Variants in ZZEF1 observed in about 807,000 individuals in gnomAD.
The protein encoded by ZZEF1 is zinc finger ZZ-type and EF-hand domain-containing protein 1.
A neutral mutation model predicts 342.8 loss-of-function variants in ZZEF1; 157 were observed. That is an observed-to-expected ratio of 0.46 (90% CI 0.40 to 0.52). The LOEUF is 0.52. Ranked by LOEUF, ZZEF1 falls within the 20% of genes least tolerant of loss-of-function variation. The probability of loss-of-function intolerance (pLI) is 0.00; values close to 1 mark genes in which losing one functional copy is unlikely to be tolerated. For synonymous variants in ZZEF1, 1,505 were observed against 1,429.1 expected (o/e 1.05, Z -1.20); for missense variants, 3,480 against 3,725.6 (o/e 0.93, Z 1.72).
Position 4,032,963 on chromosome 17 carries a change from G to A in ZZEF1, c.6624C>T (p.Ile2208=). 6.2e-7 allele frequency: 1 copy of A among 1,602,424 alleles called. No individual in the cohort carries two copies. Among genetic ancestry groups the A allele is most frequent in the Non-Finnish European group, 8.5e-7 (1 of 1,174,300 alleles). The change falls in exon 41 of 55, where the codon ATC becomes ATT. Residue 2208 remains isoleucine, a synonymous_variant. Transcript: ENST00000381638. ...GTGGGGCACTGTTGAGTGACCGCAG[G>A]ATCTCTGCCATGGAGCACGCCCAGT... The part of the protein sequence containing the change: ...GLDWACSMAE[I]LRSLNSAPLW...
Position 4,064,848 on chromosome 17 carries a change from C to G in ZZEF1, c.4250-19G>C. ...TCTTTTGCTAGATGCAAACAAGAAT[C>G]ATAATTGAAAAAAAAAAAAGTTAAA... On this transcript the variant is annotated intron_variant, in intron 28 of 54. Coordinates refer to ENST00000381638, the MANE Select transcript of ZZEF1 (RefSeq NM_015113.4). The G allele has an allele frequency of 9.1e-6, 6 of 657,072 alleles. No individual in the cohort carries two copies. The highest frequency in any genetic ancestry group is 3.9e-5 in the East Asian group (1 of 25,592). The allele number at this position is 657,072 out of a possible 1,614,324, so 40.7% of individuals were successfully genotyped here.
chr17:4,107,990 A>G (rs1247849592), intron 6 of ZZEF1, among the ~76,000 whole-genome samples: 1 of 152,234 alleles, frequency 6.6e-6, no homozygotes, highest in Non-Finnish European at 1.5e-5. Flanking sequence ...GGTTGCCACC[A>G]GCCAACTCCA....
intron 36 of ZZEF1, among the ~76,000 whole-genome samples, chr17:4,050,509 A>G (rs990258302): frequency 6.6e-6 from 1 of 152,268 alleles, no homozygotes; most frequent in Admixed American, 6.5e-5. Flanking sequence ...ACTAGACTGC[A>G]TCCACAGATA....
rs564549212 is a variant in ZZEF1, at chr17:4,105,748, A to C, written c.1339T>G (p.Phe447Val). The change falls in exon 7 of 55, where the codon TTC (phenylalanine) becomes GTC (valine). Residue 447 changes from phenylalanine to valine, a missense_variant. Around this residue, in one of 5 missense-constraint regions of ZZEF1, gnomAD observed 1,528 missense variants for 1,624.1 expected, o/e 0.94. Transcript: ENST00000381638. ...TCTTCCAGCACATTAGGGGAGAGGA[A>C]AGTTGAGAAATCTGTAGATCCTGGT... ...LSPGSTDFST[F>V]LSPNVLEEVD... 5 of 1,613,314 alleles carry C rather than the reference A, an allele frequency of 3.1e-6. No homozygotes were observed. The African/African-American group carries it at 6.7e-5, about 22-fold the overall frequency.
At position 4,062,870 on chromosome 17, in the gene ZZEF1, AG is replaced by A; in HGVS notation, c.4765del (p.Leu1589TrpfsTer4). The A allele has an allele frequency of 6.2e-7, 1 of 1,613,338 alleles. No individual in the cohort carries two copies. Among genetic ancestry groups the A allele is most frequent in the Non-Finnish European group, 8.5e-7 (1 of 1,179,774 alleles). On this transcript the variant is annotated frameshift_variant, in exon 30 of 55. Coordinates refer to ENST00000381638, the MANE Select transcript of ZZEF1 (RefSeq NM_015113.4). LOFTEE classifies it high-confidence loss of function. The part of the protein sequence containing the change: ...SLRKAQAQSI[L>X]EVLKITQHCA... ...GTGCTGAGTTATCTTCAGGACTTCC[AG>A]GATGCTCTGGGCCTGGGCTTTCCTC... is the stretch of plus-strand genomic sequence containing the variant.
rs571133992 is a variant in ZZEF1 at position 4,005,690 on chromosome 17, G to C, written c.*1200C>G. Reference sequence around the variant, plus strand: ...GGCAATGCTGACCTGGTCAAGCTTGGCCTTGGTGGTGGGGCCCCTTCTCTG... The same window carrying C: ...GGCAATGCTGACCTGGTCAAGCTTGCCCTTGGTGGTGGGGCCCCTTCTCTG... On this transcript the variant is annotated 3_prime_UTR_variant, in exon 55 of 55. Transcript: ENST00000381638. The C allele has an allele frequency of 6.6e-6, 1 of 152,510 alleles. No individual in the cohort carries two copies. The highest frequency in any genetic ancestry group is 1.9e-4 in the East Asian group (1 of 5,176). 9.4% of individuals were successfully genotyped at this position (152,510 alleles called of 1,614,324 possible).
At position 4,112,679 on chromosome 17, in the gene ZZEF1, T is replaced by G; in HGVS notation, c.996A>C (p.Arg332=). ...TGACATTGCTGGGGATGTGCACATC[T>G]CGGACTTCCTGAAGATCGCTGGCAT... The part of the protein sequence containing the change: ...GRNASDLQEV[R]DVHIPSNVTG... Residue 332 remains arginine, a synonymous_variant, in exon 5 of 55, where the codon CGA becomes CGC. Coordinates refer to ENST00000381638, the MANE Select transcript of ZZEF1 (RefSeq NM_015113.4). 1 of 1,614,230 alleles carries G rather than the reference T, an allele frequency of 6.2e-7. No homozygotes were observed. Among genetic ancestry groups the G allele is most frequent in the Non-Finnish European group, 8.5e-7 (1 of 1,180,036 alleles).
At chr17:4,141,202 C>T (rs899917365) in intron 1 of ZZEF1, among the ~76,000 whole-genome samples, 2 of 152,216 alleles carry the variant, frequency 1.3e-5, no homozygotes, top group Non-Finnish European at 2.9e-5. Context: ...AGCCACTGCG[C>T]CCAGCCATGA....
chr17:4,034,336 T>C (rs769329549), intron 39 of ZZEF1, 44 bp from the exon 40 acceptor site: 15 of 1,599,482 alleles, frequency 9.4e-6, no homozygotes, highest in South Asian at 2.2e-5. Flanking sequence ...AAAATCCACA[T>C]AACCAAACTT....
chr17:4,040,377 G>A (rs2056777687), intron 39 of ZZEF1, among the ~76,000 whole-genome samples: 1 of 152,178 alleles, frequency 6.6e-6, no homozygotes, highest in South Asian at 2.1e-4. Flanking sequence ...AAAGTAGTTT[G>A]AGAGAGGCAA....
At chr17:4,125,815 G>A (rs140818244) in intron 1 of ZZEF1, among the ~76,000 whole-genome samples, 29 of 152,256 alleles carry the variant, frequency 1.9e-4, no homozygotes, top group African/African-American at 7.0e-4. Flanking sequence ...GAGTCACACA[G>A]TCCTGATGAG....
chr17:4,021,673 T>C (rs1939833713), intron 44 of ZZEF1, among the ~76,000 whole-genome samples: 1 of 152,246 alleles, frequency 6.6e-6, no homozygotes, highest in South Asian at 2.1e-4. Context: ...ACAAAGTTAT[T>C]TTCATAATAT....
intron 5 of ZZEF1, among the ~76,000 whole-genome samples, chr17:4,112,064 A>ATG (rs2058316507): frequency 2.1e-5 from 1 of 47,986 alleles, no homozygotes; most frequent in African/African-American, 1.0e-4. Context: ...ATATATATAT[A>ATG]TATATATATA....
intron 36 of ZZEF1, 134 bp from the exon 37 acceptor site, chr17:4,049,993 C>T: frequency 1.1e-6 from 1 of 942,382 alleles, no homozygotes. Flanking sequence ...CTAGAGGACT[C>T]AACGTGAACA....
At chr17:4,116,702 C>T (rs2058399493) in intron 3 of ZZEF1, among the ~76,000 whole-genome samples, 1 of 152,104 alleles carries the variant, frequency 6.6e-6, no homozygotes, top group Admixed American at 6.5e-5. Context: ...CAAAGGTGAC[C>T]CTGACCAGAA....
intron 29 of ZZEF1, among the ~76,000 whole-genome samples, chr17:4,064,060 T>TG (rs1422492556): frequency 6.0e-4 from 84 of 140,284 alleles, no homozygotes; most frequent in African/African-American, 2.3e-3. Context: ...TTTTTGTAGA[T>TG]GGAGGGGGGG....
intron 3 of ZZEF1, among the ~76,000 whole-genome samples, chr17:4,115,231 T>C (rs1200337095): frequency 3.3e-5 from 5 of 152,164 alleles, no homozygotes; most frequent in Non-Finnish European, 7.4e-5. Flanking sequence ...ATCCCTGTGT[T>C]GCCCAGGCTG....
intron 1 of ZZEF1, among the ~76,000 whole-genome samples, chr17:4,136,834 C>T (rs865964281): frequency 1.4e-4 from 22 of 152,238 alleles, no homozygotes; most frequent in African/African-American, 3.6e-4. Flanking sequence ...GCCTTTCATA[C>T]GGCAAATCCC....
Position 4,067,181 on chromosome 17 carries a change from A to G in ZZEF1, c.4137T>C (p.Asp1379=). 6.2e-7 allele frequency: 1 copy of G among 1,613,018 alleles called. No individual in the cohort carries two copies. Among genetic ancestry groups the G allele is most frequent in the Non-Finnish European group, 8.5e-7 (1 of 1,179,588 alleles). The change falls in exon 27 of 55, where the codon GAT becomes GAC. Residue 1379 remains aspartate, a synonymous_variant. Coordinates refer to ENST00000381638, the MANE Select transcript of ZZEF1 (RefSeq NM_015113.4). ...ATCTTACCATCCATATTCGAATCCC[A>G]TCTGCCAAGGAATAAACCTGGGCAA... ...EEFAQVYSLA[D]GIRIWMLEMK...
Sources: gnomAD v4.1 joint callset for allele counts (sites outside exome capture counted in the v4.1 genomes callset) on GRCh38, gnomAD v4.1.1 for gene constraint, gnomAD v4.1.1 regional missense constraint, MANE v1.5 for transcripts, NCBI Gene and HGNC (gene_info 2026-07-23, HGNC 2026-07-21) for gene names.